The following HMCN2 variants were observed in gnomAD, a reference collection of about 807,000 sequenced individuals.
HMCN2 encodes hemicentin 2.
HMCN2 carries 325 observed loss-of-function variants against 377.5 expected under a neutral mutation model. The ratio of observed to expected loss-of-function variants is 0.86; its 90% CI spans 0.79 to 0.94. The LOEUF (loss-of-function observed/expected upper bound fraction) is 0.94. Ranked by LOEUF, HMCN2 falls within the 40% of genes least tolerant of loss-of-function variation. HMCN2 has a pLI of 0.00. For synonymous variants in HMCN2, 2,007 were observed against 2,046.8 expected (o/e 0.98, Z 0.53); for missense variants, 4,543 against 4,725.3 (o/e 0.96, Z 1.13).
intron 11 of HMCN2, 139 bp downstream of exon 11, chr9:130,305,141 T>A: frequency 2.7e-6 from 1 of 367,714 alleles, no homozygotes; most frequent in East Asian, 7.4e-5. Context: ...TTTTGAACTT[T>A]CAGGGAGAGA....
intron 43 of HMCN2, among the ~76,000 whole-genome samples, chr9:130,367,202 A>C (rs981000210): frequency 9.9e-5 from 15 of 152,076 alleles, no homozygotes; most frequent in Non-Finnish European, 2.1e-4. Context: ...GATATGGTGG[A>C]AAGACCTAGC....
chr9:130,406,331 A>G, intron 82 of HMCN2, 163 bp downstream of exon 82: 1 of 477,096 alleles, frequency 2.1e-6, no homozygotes, highest in Non-Finnish European at 3.6e-6. Flanking sequence ...GGACAGGGCA[A>G]ACCCAGCTGT....
At chr9:130,379,154 C>T (rs146321536) in intron 53 of HMCN2, 95 bp from the exon 54 acceptor site, 14 of 295,162 alleles carry the variant, frequency 4.7e-5, no homozygotes, top group South Asian at 1.3e-4. Flanking sequence ...AATGGATTTC[C>T]GCTTGGGAGA....
intron 75 of HMCN2, among the ~76,000 whole-genome samples, chr9:130,399,228 G>A (rs112175086): frequency 4.8e-4 from 71 of 147,300 alleles, no homozygotes; most frequent in South Asian, 1.7e-3. Context: ...ACTCCAGCCT[G>A]GGCAACAGAA....
chr9:130,355,615 A>G, intron 32 of HMCN2, 131 bp from the exon 33 acceptor site: 1 of 476,508 alleles, frequency 2.1e-6, no homozygotes, highest in Non-Finnish European at 4.0e-6. Flanking sequence ...CTCCTGGAGG[A>G]AGGGCCACTG....
chr9:130,317,795 A>G (rs1837640311), intron 15 of HMCN2, among the ~76,000 whole-genome samples: 1 of 29,014 alleles, frequency 3.4e-5, no homozygotes. Context: ...CAAAACAAAC[A>G]AACAAAAAAA....
intron 22 of HMCN2, among the ~76,000 whole-genome samples, chr9:130,331,007 A>ACACACC (rs1838396280): frequency 6.6e-6 from 1 of 150,796 alleles, no homozygotes; most frequent in Non-Finnish European, 1.5e-5. Flanking sequence ...ACACACACAC[A>ACACACC]AATAGCCGGA....
intron 86 of HMCN2, among the ~76,000 whole-genome samples, chr9:130,420,280 T>C (rs1159952605): frequency 2.0e-5 from 3 of 151,984 alleles, no homozygotes; most frequent in Non-Finnish European, 4.4e-5. Flanking sequence ...TTCACCGCGT[T>C]AGCCAGGATG....
intron 1 of HMCN2, among the ~76,000 whole-genome samples, chr9:130,280,005 AG>A (rs1289232666): frequency 1.1e-4 from 16 of 152,174 alleles, no homozygotes; most frequent in African/African-American, 3.9e-4. Context: ...GCTGCTTTGA[AG>A]ATGGAGGAAG....
chr9:130,405,325 G>A (rs1002080585), intron 81 of HMCN2, among the ~76,000 whole-genome samples: 1 of 152,256 alleles, frequency 6.6e-6, no homozygotes, highest in Non-Finnish European at 1.5e-5. Flanking sequence ...CAGGGATACG[G>A]TGATGACTTT....
At chr9:130,425,392 C>G (rs1193542483) in intron 89 of HMCN2, among the ~76,000 whole-genome samples, 1 of 152,074 alleles carries the variant, frequency 6.6e-6, no homozygotes, top group Non-Finnish European at 1.5e-5. Flanking sequence ...GAGAGGTGAG[C>G]TGCCTAGAGC....
intron 79 of HMCN2, 62 bp downstream of exon 79, chr9:130,403,390 G>GT: frequency 2.3e-6 from 3 of 1,277,326 alleles, no homozygotes; most frequent in Non-Finnish European, 3.1e-6. Context: ...GGGCAGGGGG[G>GT]GAGTCCTGCT....
At position 130,433,524 on chromosome 9, in the gene HMCN2, A is replaced by AC; in HGVS notation, c.15076dup (p.Arg5026ProfsTer192). ...ACCGAGCTCAGCATGCTGGAGCCCG[A>AC]CCCCCGCAGCCCCTTCGCGCTGCGT... On this transcript the variant is annotated frameshift_variant, in exon 98 of 98. Coordinates refer to ENST00000683500, the MANE Select transcript of HMCN2 (RefSeq NM_001291815.2). LOFTEE classifies it high-confidence loss of function. 1 of 1,483,114 alleles carries AC rather than the reference A, an allele frequency of 6.7e-7. No individual in the cohort carries two copies. 91.9% of individuals were successfully genotyped at this position (1,483,114 alleles called of 1,614,324 possible).
At chr9:130,281,385 C>G (rs374820162) in intron 1 of HMCN2, among the ~76,000 whole-genome samples, 87 of 152,120 alleles carry the variant, frequency 5.7e-4, no homozygotes, top group African/African-American at 2.0e-3. Context: ...CACATGAGTC[C>G]AAGAGTTTGA....
chr9:130,281,809 G>A (rs1377505481), intron 1 of HMCN2, among the ~76,000 whole-genome samples: 1 of 149,036 alleles, frequency 6.7e-6, no homozygotes, highest in Non-Finnish European at 1.5e-5. Context: ...AGAATCACCT[G>A]AACCCAGGAG....
At chr9:130,355,128 C>T in intron 32 of HMCN2, 84 bp downstream of exon 32, 1 of 1,116,580 alleles carries the variant, frequency 9.0e-7, no homozygotes, top group Non-Finnish European at 1.1e-6. Context: ...GAGAGAGCTC[C>T]TGGAGTGGAG....
chr9:130,323,897 T>A (rs1837981822), intron 19 of HMCN2, among the ~76,000 whole-genome samples: 1 of 152,108 alleles, frequency 6.6e-6, no homozygotes, highest in Non-Finnish European at 1.5e-5. Flanking sequence ...GAGACGAGTT[T>A]CACCATGTTG....
Position 130,433,689 on chromosome 9 carries a change from A to C in HMCN2, c.15236A>C (p.Tyr5079Ser). Residue 5079 changes from tyrosine to serine, a missense_variant, in exon 98 of 98, where the codon TAC becomes TCC. Physicochemically the swap from Tyr to Ser is moderately radical, Grantham distance 144 (BLOSUM62 -2). This residue lies in a region of HMCN2 where 1,155 missense variants were observed against 1,157.7 expected (regional missense o/e 1.00). Transcript: ENST00000683500. Reference protein sequence around the residue: ...VLLIAVSPYPY With the variant: ...VLLIAVSPYPS ...CTCATCGCCGTGTCCCCCTACCCCT[A>C]CTAAACGGGAGAGGGCATTGGCGGC... The C allele has an allele frequency of 6.8e-7, 1 of 1,476,902 alleles. No individual in the cohort carries two copies. The highest frequency in any genetic ancestry group is 8.9e-7 in the Non-Finnish European group (1 of 1,117,740). The allele number at this position is 1,476,902 out of a possible 1,614,324, so 91.5% of individuals were successfully genotyped here.
At chr9:130,398,153 C>CAAAAAAAAA (rs397940740) in intron 74 of HMCN2, among the ~76,000 whole-genome samples, 12 of 33,860 alleles carry the variant, frequency 3.5e-4, no homozygotes, top group Non-Finnish European at 5.5e-4. Flanking sequence ...ACTCCGTCTA[C>CAAAAAAAAA]AAAAAAAAAA....
Sources: allele counts gnomAD v4.1 joint callset (sites outside exome capture counted in the v4.1 genomes callset), GRCh38; gene constraint gnomAD v4.1.1; regional missense constraint gnomAD v4.1.1; transcripts MANE v1.5; gene names NCBI Gene and HGNC (gene_info 2026-07-23, HGNC 2026-07-21).